NEBL: variants seen among roughly 807,000 people sequenced by gnomAD.
NEBL encodes the protein nebulette.
Under a neutral mutation model 140.2 loss-of-function variants are expected in NEBL, and 122 were observed. That is an observed-to-expected ratio of 0.87 (90% confidence interval 0.75 to 1.01). The LOEUF (loss-of-function observed/expected upper bound fraction) is 1.01. Among genes scored for constraint, NEBL ranks in the 50% least tolerant of loss-of-function variants. The pLI is 0.00. For missense variants in NEBL, 1,365 were observed against 1,231.3 expected (o/e 1.11, Z -1.62); for synonymous variants, 436 against 398.9 (o/e 1.09, Z -1.11).
At chr10:21,224,234 A>T (rs1179559418) in intron 3 of NEBL, among the ~76,000 whole-genome samples, 2 of 152,180 alleles carry the variant, frequency 1.3e-5, no homozygotes, top group Non-Finnish European at 2.9e-5. Context: ...CTACATATGG[A>T]CATCTAGTTT....
At chr10:20,816,929 C>T (rs879665155) in intron 21 of NEBL, among the ~76,000 whole-genome samples, 6 of 151,862 alleles carry the variant, frequency 4.0e-5, no homozygotes, top group Non-Finnish European at 7.4e-5. Context: ...AAGTGGGGCT[C>T]GGAGGAAGCG....
intron 4 of NEBL, among the ~76,000 whole-genome samples, chr10:20,951,305 T>A (rs1463793508): frequency 6.6e-6 from 1 of 151,374 alleles, no homozygotes; most frequent in Non-Finnish European, 1.5e-5. Flanking sequence ...GCATTGCATG[T>A]GATTCTGTAC....
upstream of NEBL, among the ~76,000 whole-genome samples, chr10:20,900,844 C>T (rs557730980): frequency 3.1e-5 from 2 of 64,952 alleles, no homozygotes; most frequent in African/African-American, 4.3e-5. Context: ...GACTCCATCC[C>T]GAAAAAAAAA....
chr10:20,832,172 A>G (rs960299636), intron 14 of NEBL, among the ~76,000 whole-genome samples: 2 of 152,308 alleles, frequency 1.3e-5, no homozygotes, highest in African/African-American at 4.8e-5. Context: ...TAAACCATCC[A>G]GAAACTGGCC....
intron 2 of NEBL, among the ~76,000 whole-genome samples, chr10:21,112,388 C>T (rs1267633523): frequency 6.6e-6 from 1 of 152,146 alleles, no homozygotes; most frequent in African/African-American, 2.4e-5. Flanking sequence ...GGCACATATG[C>T]ACCATGGAAT....
intron 4 of NEBL, among the ~76,000 whole-genome samples, chr10:20,927,457 C>T (rs73607551): frequency 0.01 from 1,587 of 152,272 alleles, 27 homozygotes; most frequent in African/African-American, 0.037. Flanking sequence ...AAATAAGACA[C>T]ATAAAAGAGT....
chr10:21,289,696 A>G (rs1348432615), intron 1 of NEBL, among the ~76,000 whole-genome samples: 2 of 152,222 alleles, frequency 1.3e-5, no homozygotes, highest in Non-Finnish European at 2.9e-5. Context: ...TCACAACTAA[A>G]TTTGGGCCCC....
chr10:21,193,308 A>G (rs546539885), intron 3 of NEBL, among the ~76,000 whole-genome samples: 1 of 152,322 alleles, frequency 6.6e-6, no homozygotes, highest in Admixed American at 6.5e-5. Context: ...CTGGAACTGG[A>G]CAGAAAGTTG....
chr10:21,242,975 C>T (rs993689819), intron 3 of NEBL, among the ~76,000 whole-genome samples: 30 of 152,124 alleles, frequency 2.0e-4, no homozygotes, highest in Admixed American at 7.2e-4. Flanking sequence ...CTTTGGGTGG[C>T]AGGGTTTTGG....
intron 2 of NEBL, among the ~76,000 whole-genome samples, chr10:21,066,200 A>T (rs1198787992): frequency 6.6e-6 from 1 of 152,198 alleles, no homozygotes; most frequent in Non-Finnish European, 1.5e-5. Flanking sequence ...CCTAACTTGT[A>T]AGAATATATG....
intron 4 of NEBL, among the ~76,000 whole-genome samples, chr10:20,939,785 C>G (rs1157677728): frequency 2.6e-5 from 4 of 152,090 alleles, no homozygotes; most frequent in Non-Finnish European, 5.9e-5. Flanking sequence ...GGTTGCAATC[C>G]TAGTCTCTGA....
At chr10:20,914,392 C>G (rs1229126622) in intron 4 of NEBL, among the ~76,000 whole-genome samples, 1 of 152,198 alleles carries the variant, frequency 6.6e-6, no homozygotes, top group Non-Finnish European at 1.5e-5. Flanking sequence ...TCCAGCCTTA[C>G]TTACTGCAAA....
chr10:21,176,655 T>A (rs1841304953), upstream of NEBL, among the ~76,000 whole-genome samples: 6 of 152,346 alleles, frequency 3.9e-5, no homozygotes, highest in Admixed American at 3.9e-4. Flanking sequence ...TGGGGAGAAC[T>A]TTTGCCCTTC....
intron 3 of NEBL, among the ~76,000 whole-genome samples, chr10:21,214,557 GCA>G (rs1341514075): frequency 6.7e-6 from 1 of 148,982 alleles, no homozygotes; most frequent in Non-Finnish European, 1.5e-5. Context: ...ACACACATGT[GCA>G]CACATTACAC....
At chr10:21,291,188 G>T (rs773085868) in intron 1 of NEBL, among the ~76,000 whole-genome samples, 7 of 152,070 alleles carry the variant, frequency 4.6e-5, no homozygotes, top group African/African-American at 7.2e-5. Flanking sequence ...CAATGGGGGT[G>T]GGGGGAAGGT....
chr10:21,242,089 C>T (rs1424987544), intron 3 of NEBL, among the ~76,000 whole-genome samples: 1 of 152,096 alleles, frequency 6.6e-6, no homozygotes, highest in African/African-American at 2.4e-5. Flanking sequence ...GTGGTCCCAG[C>T]TACTTGGGAA....
chr10:21,167,952 C>T (rs1054790768), intron 2 of NEBL, among the ~76,000 whole-genome samples: 9 of 152,076 alleles, frequency 5.9e-5, no homozygotes, highest in Admixed American at 1.3e-4. Context: ...CACTCAAGTA[C>T]ACCAGTTTGT....
At chr10:20,855,110 G>A (rs921436922) in intron 9 of NEBL, among the ~76,000 whole-genome samples, 4 of 151,592 alleles carry the variant, frequency 2.6e-5, no homozygotes, top group Non-Finnish European at 4.4e-5. Flanking sequence ...AGTAGTAGTA[G>A]TCCCAGCTAC....
At chr10:20,959,851 T>C (rs1835973601) in intron 4 of NEBL, among the ~76,000 whole-genome samples, 1 of 152,040 alleles carries the variant, frequency 6.6e-6, no homozygotes, top group Non-Finnish European at 1.5e-5. Context: ...ATAATAGGCT[T>C]AATCTAAATG....
Sources: gnomAD v4.1 joint callset for allele counts (sites outside exome capture counted in the v4.1 genomes callset) on GRCh38, gnomAD v4.1.1 for gene constraint, MANE v1.5 for transcripts, NCBI Gene and HGNC (gene_info 2026-07-23, HGNC 2026-07-21) for gene names.